The following PEX26 variants were observed in gnomAD, a reference collection of about 807,000 sequenced individuals.
PEX26 encodes the protein peroxisomal biogenesis factor 26.
A neutral mutation model predicts 31.4 loss-of-function variants in PEX26; 18 were observed. The observed-to-expected ratio is 0.57, with a 90% CI of 0.40 to 0.85. PEX26 has a LOEUF of 0.85. PEX26 is among the 40% of genes least tolerant of loss of function. The pLI, the probability that PEX26 is intolerant of heterozygous loss-of-function variation, is 0.00. For missense variants in PEX26, 377 were observed against 383.9 expected, an observed-to-expected ratio of 0.98 and a Z score of 0.15; for synonymous variants, 176 against 166.9, an observed-to-expected ratio of 1.05 and a Z score of -0.42.
Position 18,078,288 on chromosome 22 carries a change from T to TCGC in PEX26, c.-87_-85dup. ...GCAAAGAGATGAGGACTCTCCCTCTTCGCCCAGGCCAACTCGGGATATCCC... is the reference window on the plus strand; with the variant it reads ...GCAAAGAGATGAGGACTCTCCCTCTTCGCCGCCCAGGCCAACTCGGGATATCCC... On this transcript the variant is annotated 5_prime_UTR_variant, in exon 1 of 5. Transcript: ENST00000399744. The TCGC allele has an allele frequency of 1.1e-6, 1 of 947,688 alleles. No individual in the cohort carries two copies. Among genetic ancestry groups the TCGC allele is most frequent in the African/African-American group, 1.6e-5 (1 of 62,188 alleles). The allele number at this position is 947,688 out of a possible 1,614,324, so 58.7% of individuals were successfully genotyped here.
intron 2 of PEX26, among the ~76,000 whole-genome samples, chr22:18,083,026 G>A (rs1926681023): frequency 6.6e-6 from 1 of 152,074 alleles, no homozygotes; most frequent in African/African-American, 2.4e-5. Context: ...GCTGTTTTTT[G>A]TACATTGATT....
intron 3 of PEX26, 43 bp downstream of exon 3, chr22:18,083,775 G>T: frequency 6.3e-7 from 1 of 1,587,044 alleles, no homozygotes; most frequent in Non-Finnish European, 8.6e-7. Flanking sequence ...GTGGACTTGC[G>T]GGCTTGCACT....
In PEX26 at chr22:18,096,705, AC is replaced by A. The variant is rs1927307180; in HGVS notation, c.*8632del. The A allele has an allele frequency of 6.6e-6, 1 of 152,264 alleles. No homozygotes were observed. Among genetic ancestry groups the A allele is most frequent in the African/African-American group, 2.4e-5 (1 of 41,464 alleles). The allele number at this position is 152,264 out of a possible 1,614,324, so 9.4% of individuals were successfully genotyped here. A position where few individuals can be genotyped will look rare whatever the true frequency, so the allele number is the denominator to read the frequency against. On this transcript the variant is annotated 3_prime_UTR_variant, in exon 5 of 5. Transcript: ENST00000399744. ...AGTGCTGGGATTACAGGCGTGAGCC[AC>A]CACGCCCGGCCGGCTCTGATTTCTT...
intron 1 of PEX26, chr22:18,079,122 C>T: frequency 1.4e-6 from 1 of 720,596 alleles, no homozygotes; most frequent in African/African-American, 1.9e-5. Context: ...ATTGCTTGAG[C>T]CCAGGAGTTC....
At chr22:18,083,341 G>A (rs1379231015) in intron 2 of PEX26, 96 bp from the exon 3 acceptor site, 1 of 1,261,344 alleles carries the variant, frequency 7.9e-7, no homozygotes, top group Non-Finnish European at 1.2e-6. Context: ...CAGTGAGGAG[G>A]GGCTGGATAG....
At position 18,097,267 on chromosome 22, in the gene PEX26, T is replaced by C. The variant is rs1291341743; in HGVS notation, c.*9192T>C. 2 of 151,724 alleles carry C rather than the reference T, an allele frequency of 1.3e-5. No homozygotes were observed. Among genetic ancestry groups the C allele is most frequent in the East Asian group, 3.9e-4 (2 of 5,192 alleles). The allele number at this position is 151,724 out of a possible 1,614,324, so 9.4% of individuals were successfully genotyped here. A position where few individuals can be genotyped will look rare whatever the true frequency, so the allele number is the denominator to read the frequency against. On this transcript the variant is annotated 3_prime_UTR_variant, in exon 5 of 5. Coordinates refer to ENST00000399744, the MANE Select transcript of PEX26 (RefSeq NM_001127649.3). ...GCAGCTATGGCCGTTAGTTTTTTTT[T>C]TTTTTCTTTTTTTTGAGACAGAGCC...
chr22:18,087,856 A>T, intron 4 of PEX26, 116 bp from the exon 5 acceptor site: 1 of 790,516 alleles, frequency 1.3e-6, no homozygotes, highest in Non-Finnish European at 2.3e-6. Flanking sequence ...GTCTCTAAAA[A>T]AAACAAAACA....
rs61752135 is a variant in PEX26 at position 18,079,996 on chromosome 22, C to A, written c.353C>A (p.Pro118His). 11 of 1,614,070 alleles carry A rather than the reference C, an allele frequency of 6.8e-6. No individual in the cohort carries two copies. Among genetic ancestry groups the A allele is most frequent in the South Asian group, 1.1e-5 (1 of 91,084 alleles). ...TACCAGGTCCCTGAAAAGCTACCCCCCAAAGTCCTGGAGCTGTGGTAAGTC... is the reference window on the plus strand; with the variant it reads ...TACCAGGTCCCTGAAAAGCTACCCCACAAAGTCCTGGAGCTGTGGTAAGTC... ...QYYQVPEKLP[P>H]KVLELCILLY... The change falls in exon 2 of 5, where the codon CCC becomes CAC. Residue 118 changes from proline (P) to histidine (H), a missense_variant. Physicochemically the swap from Pro to His is moderately conservative, Grantham distance 77. Coordinates refer to ENST00000399744, the MANE Select transcript of PEX26 (RefSeq NM_001127649.3).
rs1240870087 is a variant in PEX26, at chr22:18,100,863, AT to A, written c.*12792del. The A allele has an allele frequency of 2.6e-5, 4 of 152,242 alleles. No homozygotes were observed. The highest frequency in any genetic ancestry group is 9.6e-5 in the African/African-American group (4 of 41,462). 9.4% of individuals were successfully genotyped at this position (152,242 alleles called of 1,614,324 possible). A position where few individuals can be genotyped will look rare whatever the true frequency, so the allele number is the denominator to read the frequency against. ...TAACAAACTGATCTATATGGAAAGG[AT>A]TTTCAGCAAACATGCACAAACACAG... is the stretch of plus-strand genomic sequence containing the variant. On this transcript the variant is annotated 3_prime_UTR_variant, in exon 5 of 5. Coordinates refer to ENST00000399744, the MANE Select transcript of PEX26 (RefSeq NM_001127649.3).
chr22:18,085,140 A>T lies in PEX26; in HGVS notation c.696A>T (p.Leu232=). 1 of 1,613,984 alleles carries T rather than the reference A, an allele frequency of 6.2e-7. No individual in the cohort carries two copies. The highest frequency in any genetic ancestry group is 1.3e-5 in the African/African-American group (1 of 74,980). ...CTGTCTCCCACAAGTTCCTGTCACT[A>T]CCGATGTTGGTTCGCCAGCTTTGGG... ...EGSVSHKFLS[L]PMLVRQLWDS... The change falls in exon 4 of 5, where the codon CTA becomes CTT. Residue 232 remains leucine (L), a synonymous_variant. Transcript: ENST00000399744.
chr22:18,080,981 C>T (rs1264807817), intron 2 of PEX26, among the ~76,000 whole-genome samples: 1 of 151,594 alleles, frequency 6.6e-6, no homozygotes, highest in Non-Finnish European at 1.5e-5. Context: ...CTACCGTCTG[C>T]TTCTATGATA....
intron 2 of PEX26, among the ~76,000 whole-genome samples, chr22:18,080,962 A>G (rs1379743681): frequency 6.6e-6 from 1 of 150,506 alleles, no homozygotes; most frequent in Non-Finnish European, 1.5e-5. Flanking sequence ...GTCTCTGGTA[A>G]CCACCGTTCT....
chr22:18,087,642 C>T (rs1220807774), intron 4 of PEX26, among the ~76,000 whole-genome samples: 4 of 152,210 alleles, frequency 2.6e-5, no homozygotes, highest in African/African-American at 7.2e-5. Flanking sequence ...ACATTTGAGC[C>T]TGCTCTTTCC....
At position 18,078,018 on chromosome 22, in the gene PEX26, A is replaced by G. The variant is rs1926357749; in HGVS notation, c.-359A>G. ...CGGCTGCGGGGCTGGGCGAGCGCAA[A>G]GATGTCCGCGCCCGCTGCCGGGAGG... is the stretch of plus-strand genomic sequence containing the variant. On this transcript the variant is annotated 5_prime_UTR_variant, in exon 1 of 5. Coordinates refer to ENST00000399744, the MANE Select transcript of PEX26 (RefSeq NM_001127649.3). The G allele has an allele frequency of 2.1e-6, 1 of 468,050 alleles. No homozygotes were observed. Among genetic ancestry groups the G allele is most frequent in the East Asian group, 6.0e-5 (1 of 16,638 alleles). The allele number at this position is 468,050 out of a possible 1,614,324, so 29.0% of individuals were successfully genotyped here.
intron 1 of PEX26, chr22:18,078,950 C>G (rs1233895104): frequency 4.6e-6 from 2 of 435,492 alleles, no homozygotes; most frequent in Non-Finnish European, 8.8e-6. Flanking sequence ...CCGCCCCGCC[C>G]AAGGTTGTTT....
At position 18,089,565 on chromosome 22, in the gene PEX26, T is replaced by C. The variant is rs370587713; in HGVS notation, c.*1490T>C. On this transcript the variant is annotated 3_prime_UTR_variant, in exon 5 of 5. Transcript: ENST00000399744. Reference sequence around the variant, plus strand: ...AGGGCTTTCTGCAGGGGCTGGCCTTTCTCTACCCAGAGGCCAAGCAGGCTG... The same window carrying C: ...AGGGCTTTCTGCAGGGGCTGGCCTTCCTCTACCCAGAGGCCAAGCAGGCTG... 5 of 151,570 alleles carry C rather than the reference T, an allele frequency of 3.3e-5. No homozygotes were observed. The highest frequency in any genetic ancestry group is 3.9e-4 in the East Asian group (2 of 5,104). The allele number at this position is 151,570 out of a possible 1,614,324, so 9.4% of individuals were successfully genotyped here.
Position 18,088,530 on chromosome 22 carries a change from G to A in PEX26, c.*455G>A. On this transcript the variant is annotated 3_prime_UTR_variant, in exon 5 of 5. Coordinates refer to ENST00000399744, the MANE Select transcript of PEX26 (RefSeq NM_001127649.3). The surrounding 1 kb of genome is among the most constrained non-coding windows in gnomAD (Gnocchi z 4.1). ...ATGGTGACTCACGCCTGTAATCCCA[G>A]CACTTTGGAAGGGTGAGGTGGGTGG... 1 of 299,422 alleles carries A rather than the reference G, an allele frequency of 3.3e-6. No individual in the cohort carries two copies. Among genetic ancestry groups the A allele is most frequent in the Non-Finnish European group, 6.6e-6 (1 of 150,600 alleles). 18.5% of individuals were successfully genotyped at this position (299,422 alleles called of 1,614,324 possible).
In PEX26 at chr22:18,083,559, A is replaced by G. The variant is rs556096413; in HGVS notation, c.494A>G (p.Gln165Arg). 6 of 1,614,076 alleles carry G rather than the reference A, an allele frequency of 3.7e-6. No individual in the cohort carries two copies. The highest frequency in any genetic ancestry group is 2.7e-5 in the African/African-American group (2 of 75,048). ...GGAGCCTTGGCAGAATTTCACGTGC[A>G]GCGGGTGCTGCTGCCTCTGGGCTGC... ...EYGALAEFHV[Q>R]RVLLPLGCLS... is the part of the protein sequence containing the mutation. The change falls in exon 3 of 5, where the codon CAG (glutamine) becomes CGG (arginine). Residue 165 changes from glutamine to arginine, a missense_variant. Transcript: ENST00000399744.
chr22:18,098,778 A>AT lies in PEX26; in HGVS notation c.*10703_*10704insT, dbSNP rs397764650. ...TGTGCGTGTGTAGACATATATATAT[A>AT]ATATATATACACATATGCAATGGAG... On this transcript the variant is annotated 3_prime_UTR_variant, in exon 5 of 5. Transcript: ENST00000399744. 6.6e-6 allele frequency: 1 copy of AT among 151,110 alleles called. No homozygotes were observed. Among genetic ancestry groups the AT allele is most frequent in the Non-Finnish European group, 1.5e-5 (1 of 67,808 alleles). 9.4% of individuals were successfully genotyped at this position (151,110 alleles called of 1,614,324 possible).
Sources: allele counts gnomAD v4.1 joint callset (sites outside exome capture counted in the v4.1 genomes callset), GRCh38; gene constraint gnomAD v4.1.1; non-coding constraint Gnocchi (gnomAD v3.1); transcripts MANE v1.5; gene names NCBI Gene and HGNC (gene_info 2026-07-23, HGNC 2026-07-21).